FRMD6: variants seen among roughly 807,000 people sequenced by gnomAD.
FRMD6 encodes the protein FERM domain containing 6.
FRMD6 carries 37 observed loss-of-function variants against 73.2 expected under a neutral mutation model. The observed-to-expected ratio is 0.51, with a 90% CI of 0.39 to 0.66. FRMD6 has a LOEUF of 0.66. Among genes scored for constraint, FRMD6 ranks in the 30% least tolerant of loss-of-function variants. FRMD6 has a pLI of 0.00. For synonymous variants in FRMD6, 273 were observed against 282.2 expected (o/e 0.97, Z 0.33); for missense variants, 714 against 780.5 (o/e 0.91, Z 1.02).
the FRMD6 span, among the ~76,000 whole-genome samples, chr14:51,460,952 C>T: frequency 0.024 from 3,689 of 151,952 alleles, 109 homozygotes; most frequent in African/African-American, 0.072. Context: ...TGGCTTATGA[C>T]GGAGTGAGAG....
intron 2 of FRMD6, among the ~76,000 whole-genome samples, chr14:51,597,088 A>G (rs1433536964): frequency 1.3e-5 from 2 of 152,266 alleles, no homozygotes; most frequent in Non-Finnish European, 2.9e-5. Context: ...TGATGTGCAT[A>G]ATCATTCACA....
At chr14:51,727,122 A>G (rs1173529511) in intron 13 of FRMD6, among the ~76,000 whole-genome samples, 2 of 151,890 alleles carry the variant, frequency 1.3e-5, no homozygotes, top group African/African-American at 4.8e-5. Context: ...CCTGCCTCCC[A>G]GCCTCTTCAA....
chr14:51,417,712 G>A, the FRMD6 span, among the ~76,000 whole-genome samples: 1 of 152,096 alleles, frequency 6.6e-6, no homozygotes, highest in Admixed American at 6.5e-5. Context: ...TGCTAGGTAG[G>A]GGAAGTTCTC....
At chr14:51,477,470 A>G in the FRMD6 span, among the ~76,000 whole-genome samples, 1 of 151,408 alleles carries the variant, frequency 6.6e-6, no homozygotes, top group Non-Finnish European at 1.5e-5. Flanking sequence ...AATTGGCATG[A>G]GGATACAAGG....
At chr14:51,465,723 T>C in the FRMD6 span, among the ~76,000 whole-genome samples, 2 of 152,244 alleles carry the variant, frequency 1.3e-5, no homozygotes, top group Non-Finnish European at 2.9e-5. Context: ...TTAGGTTGTT[T>C]CTCATTTTGG....
intron 3 of FRMD6, among the ~76,000 whole-genome samples, chr14:51,700,524 G>C (rs1167602961): frequency 6.6e-6 from 1 of 152,052 alleles, no homozygotes; most frequent in Non-Finnish European, 1.5e-5. Context: ...GTTTTGCTGT[G>C]TGTGGAACAC....
chr14:51,457,278 C>T, the FRMD6 span, among the ~76,000 whole-genome samples: 93 of 150,594 alleles, frequency 6.2e-4, no homozygotes, highest in African/African-American at 2.1e-3. Context: ...CAGTTAAAAA[C>T]AAAATTAAAA....
At chr14:51,564,159 G>A (rs554796704) in intron 1 of FRMD6, among the ~76,000 whole-genome samples, 11 of 152,264 alleles carry the variant, frequency 7.2e-5, no homozygotes, top group East Asian at 3.9e-4. Context: ...TCATGTTCAA[G>A]TTTCACACTG....
At chr14:51,687,481 A>G (rs542970184) in intron 1 of FRMD6, among the ~76,000 whole-genome samples, 2 of 152,324 alleles carry the variant, frequency 1.3e-5, no homozygotes, top group African/African-American at 2.4e-5. Context: ...ATTTGATAAA[A>G]TCATTTTAGA....
chr14:51,594,181 G>A (rs1378511498), intron 2 of FRMD6, among the ~76,000 whole-genome samples: 1 of 152,096 alleles, frequency 6.6e-6, no homozygotes, highest in Non-Finnish European at 1.5e-5. Flanking sequence ...CTGGAGTGCA[G>A]TGGCGCGATC....
intron 1 of FRMD6, among the ~76,000 whole-genome samples, chr14:51,678,462 A>G (rs573831651): frequency 1.3e-5 from 2 of 152,300 alleles, no homozygotes; most frequent in East Asian, 3.9e-4. Flanking sequence ...AGAAATGTAC[A>G]CATTTCCTCT....
At chr14:51,482,993 C>T in the FRMD6 span, among the ~76,000 whole-genome samples, 6 of 152,130 alleles carry the variant, frequency 3.9e-5, no homozygotes, top group Non-Finnish European at 5.9e-5. Context: ...TGAGCCACTG[C>T]GCCTGGCCTT....
chr14:51,549,659 ACT>A (rs1396132664), intron 1 of FRMD6, among the ~76,000 whole-genome samples: 1 of 114,560 alleles, frequency 8.7e-6, no homozygotes, highest in African/African-American at 3.4e-5. Flanking sequence ...GCAGTGGCGC[ACT>A]CTCAGCTCAC....
rs376143075 is a variant in FRMD6, at chr14:51,562,711, A to G, written c.-209-7637A>G. Among the ~76,000 whole-genome samples the G allele has an allele frequency of 5.9e-5, 9 of 152,358 alleles. No individual in the cohort carries two copies. In the South Asian group the frequency reaches 1.9e-3, roughly 32 times the overall value. On this transcript the variant is annotated intron_variant, in intron 1 of 14. Transcript: ENST00000356218. ...TGAGTCAGTACAGCTTTCTTCCTGCATAAGACTTGATAACCTGAATTAAAT... is the reference window on the plus strand; with the variant it reads ...TGAGTCAGTACAGCTTTCTTCCTGCGTAAGACTTGATAACCTGAATTAAAT...
chr14:51,557,645 C>T (rs1232004536), intron 1 of FRMD6, among the ~76,000 whole-genome samples: 1 of 152,114 alleles, frequency 6.6e-6, no homozygotes, highest in South Asian at 2.1e-4. Flanking sequence ...TTGAAAATTG[C>T]TAAGAGAATA....
chr14:51,417,512 G>T, the FRMD6 span, among the ~76,000 whole-genome samples: 1,968 of 152,236 alleles, frequency 0.013, 42 homozygotes, highest in African/African-American at 0.045. Context: ...AGTTTCTGCC[G>T]AGAGATCCGC....
chr14:51,449,065 TAAAATAGAG>T, the FRMD6 span, among the ~76,000 whole-genome samples: 1 of 152,100 alleles, frequency 6.6e-6, no homozygotes, highest in Non-Finnish European at 1.5e-5. Flanking sequence ...CATGTTTCAT[TAAAATAGAG>T]ATTCATCTCT....
chr14:51,589,451 G>A (rs1252827671), intron 2 of FRMD6, among the ~76,000 whole-genome samples: 1 of 151,610 alleles, frequency 6.6e-6, no homozygotes, highest in Non-Finnish European at 1.5e-5. Context: ...CAACATCTAA[G>A]GCAGATCAAA....
chr14:51,590,538 C>T lies in FRMD6; in HGVS notation c.-147+20128C>T, dbSNP rs1889332210. Among the ~76,000 whole-genome samples the T allele has an allele frequency of 2.0e-5, 3 of 152,308 alleles. No homozygotes were observed. In the Middle Eastern group the frequency reaches 0.01, roughly 518 times the overall value. ...ATCTGGTTTATGCAACAGCATTTCTCTGTCAAGTAAGAGTACAGACTGTGT... is the reference window on the plus strand; with the variant it reads ...ATCTGGTTTATGCAACAGCATTTCTTTGTCAAGTAAGAGTACAGACTGTGT... On this transcript the variant is annotated intron_variant, in intron 2 of 14. Transcript: ENST00000356218.
Sources: gnomAD v4.1 joint callset for allele counts (sites outside exome capture counted in the v4.1 genomes callset) on GRCh38, gnomAD v4.1.1 for gene constraint, MANE v1.5 for transcripts, NCBI Gene and HGNC (gene_info 2026-07-23, HGNC 2026-07-21) for gene names.